Variants in CCDC3 observed in about 807,000 individuals in gnomAD.
The protein encoded by CCDC3 is coiled-coil domain-containing protein 3.
Under a neutral mutation model 21.4 loss-of-function variants are expected in CCDC3, and 24 were observed. The observed-to-expected ratio is 1.12, with a 90% CI of 0.81 to 1.58. CCDC3 has a LOEUF of 1.58. Among genes scored for constraint, CCDC3 ranks in the 40% most tolerant of loss-of-function variants. The pLI, the probability that CCDC3 is intolerant of heterozygous loss-of-function variation, is 0.00. For synonymous variants in CCDC3, 186 were observed against 166.0 expected, an observed-to-expected ratio of 1.12 and a Z score of -0.93; for missense variants, 425 against 360.9, an observed-to-expected ratio of 1.18 and a Z score of -1.44.
At chr10:13,067,901 T>C (rs1383059550) in intron 4 of CCDC3, among the ~76,000 whole-genome samples, 5 of 152,206 alleles carry the variant, frequency 3.3e-5, no homozygotes, top group Non-Finnish European at 7.3e-5. Flanking sequence ...TATAAGTATA[T>C]TTAAAAGGTC....
intron 5 of CCDC3, among the ~76,000 whole-genome samples, chr10:13,022,251 C>CT (rs943341530): frequency 3.9e-5 from 6 of 152,098 alleles, no homozygotes; most frequent in African/African-American, 7.2e-5. Context: ...TCCTCTCTCT[C>CT]TTTTTTTCAC....
chr10:12,947,019 T>TTCTA (rs1344543802), intron 2 of CCDC3, among the ~76,000 whole-genome samples: 9 of 152,188 alleles, frequency 5.9e-5, no homozygotes, highest in African/African-American at 1.4e-4. Flanking sequence ...CCTTTTTTGT[T>TTCTA]TCTATCTCCA....
At chr10:13,046,873 A>T (rs1836536507) in intron 5 of CCDC3, among the ~76,000 whole-genome samples, 1 of 152,086 alleles carries the variant, frequency 6.6e-6, no homozygotes, top group South Asian at 2.1e-4. Context: ...CTCAAATTTC[A>T]TGAAAGCAAA....
At chr10:12,912,212 C>T (rs915780951) in intron 2 of CCDC3, among the ~76,000 whole-genome samples, 6 of 152,172 alleles carry the variant, frequency 3.9e-5, no homozygotes, top group Non-Finnish European at 7.3e-5. Context: ...AAACTCCATA[C>T]AGTTTTCCAT....
intron 2 of CCDC3, among the ~76,000 whole-genome samples, chr10:12,959,938 G>A (rs1835153386): frequency 6.6e-6 from 1 of 152,200 alleles, no homozygotes; most frequent in Non-Finnish European, 1.5e-5. Context: ...CGGATAATTT[G>A]AGGTCAAGAA....
At chr10:12,915,848 G>A (rs937059677) in intron 2 of CCDC3, among the ~76,000 whole-genome samples, 19 of 152,108 alleles carry the variant, frequency 1.2e-4, no homozygotes, top group African/African-American at 4.6e-4. Context: ...CAGGCACTGG[G>A]ACAGGCCTGG....
At chr10:13,059,970 G>A (rs1836734429) in intron 4 of CCDC3, among the ~76,000 whole-genome samples, 1 of 152,102 alleles carries the variant, frequency 6.6e-6, no homozygotes, top group African/African-American at 2.4e-5. Context: ...TGTAATCCCA[G>A]CTACTTGGGA....
intron 2 of CCDC3, among the ~76,000 whole-genome samples, chr10:12,935,391 T>C (rs1834720896): frequency 6.6e-6 from 1 of 152,220 alleles, no homozygotes; most frequent in African/African-American, 2.4e-5. Flanking sequence ...GCCTTGTTTT[T>C]TGATCCATTA....
chr10:12,971,271 C>A (rs1282201425), intron 2 of CCDC3, among the ~76,000 whole-genome samples: 1 of 152,194 alleles, frequency 6.6e-6, no homozygotes, highest in Non-Finnish European at 1.5e-5. Flanking sequence ...TCGTGCGCAG[C>A]TGAAACAATG....
chr10:12,989,763 C>T (rs939908852), intron 2 of CCDC3, among the ~76,000 whole-genome samples: 4 of 152,068 alleles, frequency 2.6e-5, no homozygotes, highest in Admixed American at 1.3e-4. Context: ...AAACTATTTT[C>T]GGAATACTAC....
chr10:13,074,573 C>G (rs894504947), intron 3 of CCDC3, among the ~76,000 whole-genome samples: 2 of 151,690 alleles, frequency 1.3e-5, no homozygotes, highest in Admixed American at 6.6e-5. Context: ...TCTCCCTCCC[C>G]CTCCCCCTCT....
chr10:12,908,632 CAG>C (rs1331034077), intron 2 of CCDC3, among the ~76,000 whole-genome samples: 6 of 132,878 alleles, frequency 4.5e-5, no homozygotes, highest in Admixed American at 3.0e-4. Context: ...TTTTTTGAGA[CAG>C]AGTTTCCCTC....
At position 13,070,087 on chromosome 10, in the gene CCDC3, T is replaced by A. The variant is rs576059594; in HGVS notation, c.-270+3781A>T. Among the ~76,000 whole-genome samples, 12 of 138,880 alleles carry A rather than the reference T, an allele frequency of 8.6e-5. 1 individual carries two copies. In the South Asian group the frequency reaches 2.8e-3, roughly 33 times the overall value. The allele number at this position is 138,880 out of a possible 152,430, so 91.1% of individuals were successfully genotyped here. A position where few individuals can be genotyped will look rare whatever the true frequency, so the allele number is the denominator to read the frequency against. On this transcript the variant is annotated intron_variant, in intron 4 of 6. Coordinates refer to the CCDC3 transcript ENST00000378839. ...CAAGAGTTAACTGAACGGTCTAAAC[T>A]AATACAAAACTGAGGTAATCTTTTG...
At chr10:13,031,567 T>C (rs1836301269) in intron 5 of CCDC3, among the ~76,000 whole-genome samples, 1 of 152,100 alleles carries the variant, frequency 6.6e-6, no homozygotes, top group Non-Finnish European at 1.5e-5. Context: ...GCTGGTTTTT[T>C]GAAAAAATCG....
chr10:13,045,862 G>T (rs533615961), intron 5 of CCDC3, among the ~76,000 whole-genome samples: 61 of 150,602 alleles, frequency 4.1e-4, no homozygotes, highest in African/African-American at 1.4e-3. Context: ...AGGCCGAGAT[G>T]GGGGGATCAT....
chr10:12,931,315 T>G (rs546527521), intron 2 of CCDC3, among the ~76,000 whole-genome samples: 2 of 152,228 alleles, frequency 1.3e-5, no homozygotes, highest in South Asian at 4.2e-4. Context: ...ACTGTTTTAA[T>G]TTCTAATTAA....
intron 4 of CCDC3, among the ~76,000 whole-genome samples, chr10:13,064,766 C>T (rs1228658063): frequency 2.6e-5 from 4 of 151,988 alleles, no homozygotes; most frequent in African/African-American, 7.3e-5. Flanking sequence ...CCAGCCTGGG[C>T]GACAGAATGA....
At chr10:13,035,148 C>T (rs1836362637) in intron 5 of CCDC3, among the ~76,000 whole-genome samples, 1 of 152,122 alleles carries the variant, frequency 6.6e-6, no homozygotes, top group South Asian at 2.1e-4. Context: ...ACTGATCTCT[C>T]TGCATTTCTG....
At chr10:12,917,856 G>T (rs1030953489) in intron 2 of CCDC3, among the ~76,000 whole-genome samples, 2 of 152,232 alleles carry the variant, frequency 1.3e-5, no homozygotes, top group African/African-American at 4.8e-5. Flanking sequence ...GATGTGCCAC[G>T]TTTTTCTTTA....
Sources: gnomAD v4.1 joint callset for allele counts (sites outside exome capture counted in the v4.1 genomes callset) on GRCh38, gnomAD v4.1.1 for gene constraint, MANE v1.5 for transcripts, NCBI Gene and HGNC (gene_info 2026-07-23, HGNC 2026-07-21) for gene names.